Variants in HPGDS observed in about 807,000 individuals in gnomAD.
The protein encoded by HPGDS is hematopoietic prostaglandin D synthase.
Under a neutral mutation model 23.1 loss-of-function variants are expected in HPGDS, and 26 were observed. The observed-to-expected ratio is 1.13, with a 90% CI of 0.83 to 1.56. The LOEUF (loss-of-function observed/expected upper bound fraction) is 1.56. Among genes scored for constraint, HPGDS ranks in the 40% most tolerant of loss-of-function variants. The pLI is 0.00. For synonymous variants in HPGDS, 95 were observed against 77.9 expected, an observed-to-expected ratio of 1.22 and a Z score of -1.16; for missense variants, 268 against 236.4, an observed-to-expected ratio of 1.13 and a Z score of -0.88.
chr4:94,314,140 A>G (rs563058301), intron 3 of HPGDS, among the ~76,000 whole-genome samples: 1 of 152,118 alleles, frequency 6.6e-6, no homozygotes, highest in Non-Finnish European at 1.5e-5. Context: ...CTCTCAACTC[A>G]TCAAAGTCAT....
intron 2 of HPGDS, among the ~76,000 whole-genome samples, chr4:94,330,681 TC>T (rs764112844): frequency 2.2e-4 from 34 of 152,334 alleles, no homozygotes; most frequent in Non-Finnish European, 4.6e-4. Flanking sequence ...GCCTCAAGTT[TC>T]CTTTCTTTCT....
At chr4:94,301,213 CTT>C (rs1205173480) in intron 5 of HPGDS, among the ~76,000 whole-genome samples, 1 of 152,160 alleles carries the variant, frequency 6.6e-6, no homozygotes, top group Non-Finnish European at 1.5e-5. Context: ...AAAAAGCAGT[CTT>C]ATCTCCCAAA....
At chr4:94,318,198 C>G (rs1188633075) in intron 2 of HPGDS, among the ~76,000 whole-genome samples, 1 of 152,068 alleles carries the variant, frequency 6.6e-6, no homozygotes, top group African/African-American at 2.4e-5. Flanking sequence ...TTCTTAAGCT[C>G]AGGTTTATAG....
chr4:94,299,443 C>T lies in HPGDS; in HGVS notation c.*37G>A, dbSNP rs1489494295. The T allele has an allele frequency of 4.5e-6, 7 of 1,563,838 alleles. No homozygotes were observed. Among genetic ancestry groups the T allele is most frequent in the Non-Finnish European group, 6.1e-6 (7 of 1,151,090 alleles). On this transcript the variant is annotated 3_prime_UTR_variant, in exon 6 of 6. Coordinates refer to ENST00000295256, the MANE Select transcript of HPGDS (RefSeq NM_014485.3). ...CTGTCTTATCTGATGAGAGAGATGC[C>T]CCCGAGAAAAACAAACTTGAAGGCA...
chr4:94,305,016 A>G (rs1470056377), intron 4 of HPGDS, among the ~76,000 whole-genome samples: 1 of 152,144 alleles, frequency 6.6e-6, no homozygotes, highest in Non-Finnish European at 1.5e-5. Flanking sequence ...TTCTACATTT[A>G]TAATGATATG....
At chr4:94,307,951 A>G (rs1416655401) in intron 4 of HPGDS, among the ~76,000 whole-genome samples, 1 of 152,146 alleles carries the variant, frequency 6.6e-6, no homozygotes, top group Non-Finnish European at 1.5e-5. Context: ...AGAAAGGATG[A>G]CTATGTAAGA....
At chr4:94,320,742 A>C (rs562904573) in intron 2 of HPGDS, among the ~76,000 whole-genome samples, 2,707 of 152,034 alleles carry the variant, frequency 0.018, 84 homozygotes, top group African/African-American at 0.062. Flanking sequence ...AGTTTCTTTT[A>C]CTGTGCAGAA....
intron 2 of HPGDS, among the ~76,000 whole-genome samples, chr4:94,321,246 G>T (rs1321430111): frequency 1.3e-5 from 2 of 152,142 alleles, no homozygotes; most frequent in African/African-American, 2.4e-5. Context: ...GGCAATGCAG[G>T]CTCTTTTTTG....
intron 3 of HPGDS, among the ~76,000 whole-genome samples, chr4:94,317,642 C>G (rs1173591478): frequency 6.6e-6 from 1 of 152,054 alleles, no homozygotes; most frequent in African/African-American, 2.4e-5. Context: ...GGAGAGCAAA[C>G]AGATGTAAGG....
chr4:94,340,660 T>TC (rs1721146145), intron 1 of HPGDS, among the ~76,000 whole-genome samples: 1 of 72,588 alleles, frequency 1.4e-5, no homozygotes, highest in South Asian at 7.1e-4. Context: ...CTTTTTTTTT[T>TC]TTTTTTTTTT....
At chr4:94,302,307 G>GAAATCTACTTCCTCCTCA in intron 4 of HPGDS, 63 bp from the exon 5 acceptor site, 1 of 1,116,444 alleles carries the variant, frequency 9.0e-7, no homozygotes, top group Non-Finnish European at 1.3e-6. Context: ...GATCTGAGGA[G>GAAATCTACTTCCTCCTCA]GAAGTAGATT....
rs779912724 is a variant in HPGDS, at chr4:94,299,518, C to T, written c.562G>A (p.Ala188Thr). Reference sequence around the variant, plus strand: ...TGGGGCCTTCGTTTTATCCAGTTAGCGACGGCAGGAATGGCTTGGACTTTC... The same window carrying T: ...TGGGGCCTTCGTTTTATCCAGTTAGTGACGGCAGGAATGGCTTGGACTTTC... ...RKKVQAIPAVANWIKRRPQTK... is the reference protein window; with the variant it reads ...RKKVQAIPAVTNWIKRRPQTK... Residue 188 changes from alanine (A) to threonine (T), a missense_variant, in exon 6 of 6, where the codon GCT becomes ACT. Coordinates refer to ENST00000295256, the MANE Select transcript of HPGDS (RefSeq NM_014485.3). 8.1e-6 allele frequency: 13 copies of T among 1,613,246 alleles called. No homozygotes were observed. Among genetic ancestry groups the T allele is most frequent in the African/African-American group, 2.7e-5 (2 of 74,706 alleles).
intron 1 of HPGDS, among the ~76,000 whole-genome samples, chr4:94,341,095 C>G (rs1043976562): frequency 6.6e-6 from 1 of 151,240 alleles, no homozygotes; most frequent in Non-Finnish European, 1.5e-5. Context: ...CCTCGGCCTC[C>G]CAAAATGTTG....
chr4:94,322,497 G>T (rs986070112), intron 2 of HPGDS, among the ~76,000 whole-genome samples: 2 of 152,184 alleles, frequency 1.3e-5, no homozygotes, highest in African/African-American at 4.8e-5. Flanking sequence ...TGGGGAAGGT[G>T]TATGTGTCCA....
At chr4:94,342,626 G>A (rs1017613825) in intron 1 of HPGDS, among the ~76,000 whole-genome samples, 169 bp downstream of exon 1, 1 of 151,998 alleles carries the variant, frequency 6.6e-6, no homozygotes, top group Non-Finnish European at 1.5e-5. Context: ...TCACATATTC[G>A]CATATATGGA....
intron 2 of HPGDS, among the ~76,000 whole-genome samples, chr4:94,329,268 G>A (rs1425080618): frequency 6.6e-6 from 1 of 152,098 alleles, no homozygotes; most frequent in African/African-American, 2.4e-5. Context: ...GAAGTTAAGA[G>A]GTTATATAAA....
intron 4 of HPGDS, chr4:94,304,040 T>C (rs1168017800): frequency 1.3e-5 from 2 of 151,790 alleles, no homozygotes; most frequent in Non-Finnish European, 2.9e-5. Context: ...TTTTTCCAGA[T>C]ATATTTTAAA....
intron 2 of HPGDS, among the ~76,000 whole-genome samples, chr4:94,320,176 G>A (rs576780681): frequency 3.3e-5 from 5 of 152,252 alleles, no homozygotes; most frequent in Admixed American, 6.5e-5. Context: ...GGACATTTGG[G>A]TTGGTTCCAA....
intron 3 of HPGDS, among the ~76,000 whole-genome samples, chr4:94,312,881 C>G (rs1206632312): frequency 6.6e-6 from 1 of 152,106 alleles, no homozygotes; most frequent in Non-Finnish European, 1.5e-5. Context: ...ATCTCTTTAC[C>G]ATTATGTAAT....
Sources: allele counts gnomAD v4.1 joint callset (sites outside exome capture counted in the v4.1 genomes callset), GRCh38; gene constraint gnomAD v4.1.1; transcripts MANE v1.5; gene names NCBI Gene and HGNC (gene_info 2026-07-23, HGNC 2026-07-21).